Variants in EXOC6 observed in about 807,000 individuals in gnomAD.
The protein encoded by EXOC6 is exocyst complex component 6, also known as SEC15-like 1.
EXOC6 carries 60 observed loss-of-function variants against 112.5 expected under a neutral mutation model. That is an observed-to-expected ratio of 0.53 (90% CI 0.43 to 0.66). The LOEUF (loss-of-function observed/expected upper bound fraction) is 0.66. Among genes scored for constraint, EXOC6 ranks in the 30% least tolerant of loss-of-function variants. The pLI is 0.00. For synonymous variants in EXOC6, 295 were observed against 308.0 expected (o/e 0.96, Z 0.44); for missense variants, 855 against 957.1 (o/e 0.89, Z 1.41).
intron 13 of EXOC6, among the ~76,000 whole-genome samples, chr10:92,945,310 T>G (rs1023178577): frequency 2.0e-5 from 3 of 152,206 alleles, no homozygotes; most frequent in Non-Finnish European, 4.4e-5. Context: ...AAATATTTTC[T>G]CCCAGTCTGT....
At chr10:92,848,438 G>GCCCCCCCCCCCCCCCCA, upstream of EXOC6, 1 of 196,086 alleles carries the variant, frequency 5.1e-6, no homozygotes, top group Non-Finnish European at 8.7e-6. Flanking sequence ...CGAGCGCCCC[G>GCCCCCCCCCCCCCCCCA]CCCCCGCCCC....
chr10:92,971,435 C>T (rs558894055), intron 17 of EXOC6, among the ~76,000 whole-genome samples: 1 of 151,594 alleles, frequency 6.6e-6, no homozygotes, highest in East Asian at 1.9e-4. Flanking sequence ...AGTGCAGTGG[C>T]ACCATCTTGG....
Position 92,849,907 on chromosome 10 carries a change from A to T in EXOC6, c.101+1273A>T, listed in dbSNP as rs908310215. Reference sequence around the variant, plus strand: ...ACCTTGCCTATTTGTTCACTACTGTATCCCTAACACCAAGCATGTGGTAGG... The same window carrying T: ...ACCTTGCCTATTTGTTCACTACTGTTTCCCTAACACCAAGCATGTGGTAGG... On this transcript the variant is annotated intron_variant, in intron 1 of 21. Transcript: ENST00000260762. Among the ~76,000 whole-genome samples the T allele has an allele frequency of 3.3e-5, 5 of 152,226 alleles. No homozygotes were observed. The East Asian group carries it at 9.6e-4, about 29-fold the overall frequency.
intron 1 of EXOC6, chr10:92,834,884 C>A: frequency 1.0e-6 from 1 of 980,292 alleles, no homozygotes; most frequent in African/African-American, 1.6e-5. Context: ...GTCCTTTACC[C>A]TGCTTTTTAT....
chr10:92,981,743 A>G (rs781312636), intron 18 of EXOC6, among the ~76,000 whole-genome samples: 1 of 152,194 alleles, frequency 6.6e-6, no homozygotes, highest in Non-Finnish European at 1.5e-5. Context: ...TCCCAGAAAG[A>G]TATCTTTTCC....
intron 20 of EXOC6, among the ~76,000 whole-genome samples, chr10:93,040,601 C>T (rs1590092150): frequency 6.6e-6 from 1 of 152,206 alleles, no homozygotes. Context: ...ATTTCTCTTC[C>T]CTCATTTGCA....
At chr10:92,868,452 A>G (rs545058828) in intron 1 of EXOC6, among the ~76,000 whole-genome samples, 17 of 152,010 alleles carry the variant, frequency 1.1e-4, no homozygotes, top group Admixed American at 5.9e-4. Flanking sequence ...AGCACTTTTA[A>G]TTTTGGAAGC....
At chr10:92,851,618 C>G (rs939888926) in intron 1 of EXOC6, among the ~76,000 whole-genome samples, 5 of 151,898 alleles carry the variant, frequency 3.3e-5, no homozygotes, top group African/African-American at 9.7e-5. Context: ...CCACTACTCT[C>G]TAGCCTGAGC....
In EXOC6 at chr10:93,014,210, G is replaced by T; in HGVS notation, c.2112G>T (p.Glu704Asp). The change falls in exon 20 of 22, where the codon GAG becomes GAT. Residue 704 changes from glutamate (E) to aspartate (D), a missense_variant. Transcript: ENST00000260762. ...VIQCELFASS[E>D]PVPGFQGDTL... ...TTTTAATAGTGTTTGCCAGCTCTGA[G>T]CCTGTGCCAGGATTCCAGGGGGATA... 6.2e-7 allele frequency: 1 copy of T among 1,613,064 alleles called. No homozygotes were observed. The highest frequency in any genetic ancestry group is 8.5e-7 in the Non-Finnish European group (1 of 1,179,530).
intron 9 of EXOC6, among the ~76,000 whole-genome samples, chr10:92,929,620 A>G (rs1851916252): frequency 6.6e-6 from 1 of 152,250 alleles, no homozygotes; most frequent in South Asian, 2.1e-4. Flanking sequence ...GCTTGCTAAT[A>G]TAAATAGGGA....
chr10:92,973,370 A>G (rs1842373016), intron 17 of EXOC6, among the ~76,000 whole-genome samples: 1 of 152,180 alleles, frequency 6.6e-6, no homozygotes, highest in South Asian at 2.1e-4. Context: ...TACAAAGCTC[A>G]TTTTTCTACC....
chr10:92,989,451 A>T (rs1843142843), intron 18 of EXOC6, among the ~76,000 whole-genome samples: 1 of 152,180 alleles, frequency 6.6e-6, no homozygotes. Context: ...TTTATACTTT[A>T]CTCATTTCTT....
intron 8 of EXOC6, among the ~76,000 whole-genome samples, chr10:92,926,385 G>A (rs1029098789): frequency 2.0e-5 from 3 of 151,866 alleles, no homozygotes. Context: ...ATAATGGACT[G>A]GAAATAAGAG....
chr10:93,029,856 T>A (rs1845192460), intron 20 of EXOC6, among the ~76,000 whole-genome samples: 1 of 152,190 alleles, frequency 6.6e-6, no homozygotes, highest in African/African-American at 2.4e-5. Context: ...GGTTATTCAA[T>A]TGACCTAGCA....
chr10:92,871,542 C>T (rs1055973512), intron 1 of EXOC6, among the ~76,000 whole-genome samples: 17 of 150,146 alleles, frequency 1.1e-4, no homozygotes, highest in African/African-American at 4.2e-4. Context: ...TGCAGTGGCT[C>T]ACGCCTGTAA....
intron 17 of EXOC6, among the ~76,000 whole-genome samples, chr10:92,970,037 C>T (rs556813550): frequency 1.2e-3 from 180 of 152,216 alleles, no homozygotes; most frequent in African/African-American, 4.2e-3. Flanking sequence ...CTGTCCTCAA[C>T]TAGATTATAA....
chr10:92,964,241 A>AT (rs1193841229), intron 17 of EXOC6, among the ~76,000 whole-genome samples: 2 of 151,512 alleles, frequency 1.3e-5, no homozygotes, highest in African/African-American at 4.8e-5. Flanking sequence ...TTATATATAT[A>AT]TTTTTAAAAA....
In EXOC6 at chr10:92,952,401, A is replaced by G; in HGVS notation, c.1526+19A>G. On this transcript the variant is annotated intron_variant, in intron 15 of 21. Coordinates refer to ENST00000260762, the MANE Select transcript of EXOC6 (RefSeq NM_019053.6). ...ACCGGAGGTGAGTTTACTAATCACA[A>G]ATGCATTTTTGTCATAACTTTTATG... The G allele has an allele frequency of 7.1e-7, 1 of 1,409,554 alleles. No individual in the cohort carries two copies. Among genetic ancestry groups the G allele is most frequent in the Non-Finnish European group, 1.0e-6 (1 of 1,001,886 alleles). The allele number at this position is 1,409,554 out of a possible 1,614,324, so 87.3% of individuals were successfully genotyped here.
Position 93,056,982 on chromosome 10 carries a change from C to G in EXOC6, c.2228C>G (p.Pro743Arg), listed in dbSNP as rs1157883109. The stretch of plus-strand genomic sequence containing the variant: ...ACTTACCTAGCTGATTATGGGCAGC[C>G]AGCTTCTAAGTACCTTCGGGTGAAT... Reference protein sequence around the residue: ...WSTYLADYGQPASKYLRVNPN... With the variant: ...WSTYLADYGQRASKYLRVNPN... The change falls in exon 21 of 22, where the codon CCA becomes CGA. Residue 743 changes from proline to arginine, a missense_variant. Around this residue, in one of 2 missense-constraint regions of EXOC6, gnomAD observed 450 missense variants for 563.5 expected, o/e 0.80. Transcript: ENST00000260762. 6.3e-7 allele frequency: 1 copy of G among 1,598,758 alleles called. No homozygotes were observed. Among genetic ancestry groups the G allele is most frequent in the South Asian group, 1.2e-5 (1 of 86,950 alleles).
Sources: gnomAD v4.1 joint callset for allele counts (sites outside exome capture counted in the v4.1 genomes callset) on GRCh38, gnomAD v4.1.1 for gene constraint, gnomAD v4.1.1 regional missense constraint, MANE v1.5 for transcripts, NCBI Gene and HGNC (gene_info 2026-07-23, HGNC 2026-07-21) for gene names.